The following WDPCP variants were observed in gnomAD, a reference collection of about 807,000 sequenced individuals.
WDPCP encodes WD repeat containing planar cell polarity effector, also known as WD repeat-containing and planar cell polarity effector protein fritz homolog.
WDPCP carries 71 observed loss-of-function variants against 93.1 expected under a neutral mutation model. The ratio of observed to expected loss-of-function variants is 0.76; its 90% CI spans 0.63 to 0.93. The LOEUF is 0.93. Among genes scored for constraint, WDPCP ranks in the 40% least tolerant of loss-of-function variants. WDPCP has a pLI of 0.00. For missense variants in WDPCP, 844 were observed against 887.4 expected (o/e 0.95, Z 0.62); for synonymous variants, 315 against 315.0 (o/e 1.00, Z 0.00).
intron 13 of WDPCP, among the ~76,000 whole-genome samples, chr2:63,307,382 A>G (rs936697844): frequency 6.6e-6 from 1 of 152,176 alleles, no homozygotes; most frequent in African/African-American, 2.4e-5. Flanking sequence ...AATTAGAAAC[A>G]AAACTACTTT....
At chr2:63,786,420 T>C (rs912252172) in intron 2 of WDPCP, among the ~76,000 whole-genome samples, 1 of 152,170 alleles carries the variant, frequency 6.6e-6, no homozygotes, top group Admixed American at 6.5e-5. Context: ...TCTATGCAGT[T>C]TGGAAGAGAG....
intron 2 of WDPCP, among the ~76,000 whole-genome samples, chr2:63,695,486 A>C (rs1668950372): frequency 6.6e-6 from 1 of 152,174 alleles, no homozygotes; most frequent in Non-Finnish European, 1.5e-5. Flanking sequence ...ACACAGTTAA[A>C]CTAAAAATTA....
rs199517613 is a variant in WDPCP, at chr2:63,429,976, TACACACACACACACACACAC to T, written c.825+3749_825+3768del. 1.3e-3 allele frequency among the ~76,000 whole-genome samples: 178 copies of T among 137,454 alleles called. 3 individuals are homozygous for T. In the East Asian group the frequency reaches 0.016, roughly 13 times the overall value. The allele number at this position is 137,454 out of a possible 152,430, so 90.2% of individuals were successfully genotyped here. Reference sequence around the variant, plus strand: ...GGTGGACTGGATAAAGAAAATGTTATACACACACACACACACACACACACACACACACACACACACACACA... The same window carrying T: ...GGTGGACTGGATAAAGAAAATGTTATACACACACACACACACACACACACA... On this transcript the variant is annotated intron_variant, in intron 9 of 17. Transcript: ENST00000272321.
intron 2 of WDPCP, among the ~76,000 whole-genome samples, chr2:63,701,366 A>T (rs549812520): frequency 3.1e-4 from 47 of 152,242 alleles, no homozygotes; most frequent in Admixed American, 1.5e-3. Context: ...GCTGACAAGG[A>T]TGTGAAGAAA....
chr2:63,528,808 A>G (rs1703574465), intron 1 of WDPCP, among the ~76,000 whole-genome samples: 2 of 152,218 alleles, frequency 1.3e-5, no homozygotes, highest in Admixed American at 6.5e-5. Context: ...CTTGGGCAGT[A>G]TGGCCATCTT....
intron 13 of WDPCP, among the ~76,000 whole-genome samples, chr2:63,294,056 C>T (rs1438842930): frequency 2.0e-5 from 3 of 152,150 alleles, no homozygotes; most frequent in African/African-American, 7.2e-5. Flanking sequence ...CACTGTGAGA[C>T]ACATTATAAT....
intron 13 of WDPCP, among the ~76,000 whole-genome samples, chr2:63,286,149 G>A (rs371313432): frequency 1.3e-5 from 2 of 151,974 alleles, no homozygotes; most frequent in Admixed American, 6.5e-5. Context: ...AGGACTTCAG[G>A]CGCACACCAC....
chr2:63,745,376 T>C (rs1193158548), intron 2 of WDPCP, among the ~76,000 whole-genome samples: 1 of 152,218 alleles, frequency 6.6e-6, no homozygotes, highest in Non-Finnish European at 1.5e-5. Flanking sequence ...TGAATGATCG[T>C]ATCAACTGGC....
At chr2:63,424,944 A>G (rs1437480604) in intron 9 of WDPCP, among the ~76,000 whole-genome samples, 1 of 152,190 alleles carries the variant, frequency 6.6e-6, no homozygotes, top group Non-Finnish European at 1.5e-5. Context: ...CCACAGAGAG[A>G]TGCTGCGAAT....
chr2:63,204,491 G>C (rs972545406), intron 14 of WDPCP, among the ~76,000 whole-genome samples: 2 of 151,786 alleles, frequency 1.3e-5, no homozygotes, highest in African/African-American at 4.8e-5. Context: ...ACAGGCACCT[G>C]CCACCACGCC....
At chr2:63,352,571 G>T (rs1689711467) in intron 12 of WDPCP, among the ~76,000 whole-genome samples, 1 of 152,182 alleles carries the variant, frequency 6.6e-6, no homozygotes, top group Admixed American at 6.5e-5. Context: ...ATGCATTCAG[G>T]GAATCATAGT....
intron 1 of WDPCP, among the ~76,000 whole-genome samples, chr2:63,506,283 T>C (rs1443204823): frequency 2.6e-5 from 4 of 152,072 alleles, no homozygotes; most frequent in Non-Finnish European, 5.9e-5. Context: ...ACATGGTATA[T>C]GCCAATGCTT....
intron 2 of WDPCP, among the ~76,000 whole-genome samples, chr2:63,653,893 G>C (rs1710136562): frequency 1.5e-5 from 2 of 136,312 alleles, no homozygotes; most frequent in Admixed American, 1.5e-4. Flanking sequence ...CTGTGCAACA[G>C]AGCAAGACTC....
chr2:63,617,228 T>G (rs1277965395), intron 3 of WDPCP, among the ~76,000 whole-genome samples: 2 of 152,220 alleles, frequency 1.3e-5, no homozygotes, highest in Non-Finnish European at 2.9e-5. Flanking sequence ...CCAGCTGCCT[T>G]TCAATTCAGC....
chr2:63,403,836 A>G (rs1297246255), intron 10 of WDPCP: 4 of 618,760 alleles, frequency 6.5e-6, no homozygotes, highest in Non-Finnish European at 8.1e-6. Context: ...ATGATTGACA[A>G]TTAGTGCAAT....
At chr2:63,256,554 C>T (rs537936436) in intron 14 of WDPCP, among the ~76,000 whole-genome samples, 1 of 148,790 alleles carries the variant, frequency 6.7e-6, no homozygotes, top group East Asian at 2.1e-4. Flanking sequence ...ACTAAGGCTG[C>T]ATATCCTACG....
At chr2:63,294,361 T>A (rs1351095068) in intron 13 of WDPCP, among the ~76,000 whole-genome samples, 2 of 151,584 alleles carry the variant, frequency 1.3e-5, no homozygotes, top group African/African-American at 2.4e-5. Context: ...ATACAAAAAA[T>A]TCGGTGGGCA....
intron 3 of WDPCP, among the ~76,000 whole-genome samples, chr2:63,632,316 A>G (rs1028564995): frequency 6.6e-6 from 1 of 152,258 alleles, no homozygotes; most frequent in African/African-American, 2.4e-5. Flanking sequence ...ATGAGAACAA[A>G]AAAGAGGAAA....
intron 3 of WDPCP, among the ~76,000 whole-genome samples, chr2:63,635,558 C>T (rs1274575044): frequency 6.6e-6 from 1 of 151,986 alleles, no homozygotes; most frequent in Non-Finnish European, 1.5e-5. Context: ...TCAATAGACA[C>T]AAATCAATAA....
Sources: gnomAD v4.1 joint callset for allele counts (sites outside exome capture counted in the v4.1 genomes callset) on GRCh38, gnomAD v4.1.1 for gene constraint, MANE v1.5 for transcripts, NCBI Gene and HGNC (gene_info 2026-07-23, HGNC 2026-07-21) for gene names.